Variants in DEFB108B observed in about 807,000 individuals in gnomAD.
DEFB108B encodes defensin beta 108B, also known as beta-defensin 108B.
Under a neutral mutation model 2.4 loss-of-function variants are expected in DEFB108B, and 3 were observed. The observed-to-expected ratio is 1.25, with a 90% CI of 0.57 to 3.24. DEFB108B has a LOEUF of 3.24. Ranked by LOEUF, DEFB108B falls within the 30% of genes most tolerant of loss-of-function variation. The probability of loss-of-function intolerance (pLI) is 0.03; values close to 1 mark genes in which losing one functional copy is unlikely to be tolerated. For synonymous variants in DEFB108B, 25 were observed against 28.7 expected (o/e 0.87, Z 0.41); for missense variants, 101 against 87.8 (o/e 1.15, Z -0.60).
intron 1 of DEFB108B, among the ~76,000 whole-genome samples, chr11:71,833,477 T>A (rs1283323217): frequency 6.6e-6 from 1 of 152,194 alleles, no homozygotes; most frequent in Non-Finnish European, 1.5e-5. Flanking sequence ...ACCCTCTTAT[T>A]CCATCTCCAA....
intron 1 of DEFB108B, among the ~76,000 whole-genome samples, chr11:71,836,382 T>C (rs1276345834): frequency 1.3e-5 from 2 of 152,242 alleles, no homozygotes; most frequent in Non-Finnish European, 2.9e-5. Context: ...TAGGCATTTA[T>C]TGAATGTTTA....
At chr11:71,833,786 C>T (rs1952196255) in intron 1 of DEFB108B, among the ~76,000 whole-genome samples, 1 of 152,204 alleles carries the variant, frequency 6.6e-6, no homozygotes, top group Admixed American at 6.5e-5. Context: ...CTGGCTTTCC[C>T]TCTTCCTTCT....
intron 1 of DEFB108B, among the ~76,000 whole-genome samples, chr11:71,835,896 A>AT (rs1186165149): frequency 4.6e-5 from 7 of 152,256 alleles, no homozygotes; most frequent in Non-Finnish European, 1.0e-4. Context: ...CCCTCAAGAA[A>AT]TTCATTATCA....
Position 71,835,768 on chromosome 11 carries a change from G to A in DEFB108B, c.59-1631G>A, listed in dbSNP as rs1952212519. On this transcript the variant is annotated intron_variant, in intron 1 of 1. Coordinates refer to ENST00000328698, the MANE Select transcript of DEFB108B (RefSeq NM_001002035.2). ...TTCTGCACAAACATATTGCAAGTTA[G>A]AAAACAGCTGTATTTTAATCAATTA... 2.0e-5 allele frequency among the ~76,000 whole-genome samples: 3 copies of A among 152,278 alleles called. No homozygotes were observed. The South Asian group carries it at 6.2e-4, about 32-fold the overall frequency.
At chr11:71,834,156 T>C (rs957955475) in intron 1 of DEFB108B, among the ~76,000 whole-genome samples, 5 of 152,254 alleles carry the variant, frequency 3.3e-5, no homozygotes, top group African/African-American at 1.2e-4. Flanking sequence ...TTTAATATCC[T>C]GGCTTTCCCT....
At chr11:71,835,428 T>C (rs1425678413) in intron 1 of DEFB108B, among the ~76,000 whole-genome samples, 1 of 152,244 alleles carries the variant, frequency 6.6e-6, no homozygotes, top group African/African-American at 2.4e-5. Context: ...TTGTTCTTTT[T>C]ATGGCTGCAT....
At position 71,837,392 on chromosome 11, in the gene DEFB108B, C is replaced by T. The variant is rs1261522887; in HGVS notation, c.59-7C>T. ...GAATGGTTACAATAACCCTCTTCTT[C>T]ATGTAGCCAGGGGCAAATTCAAGGA... is the stretch of plus-strand genomic sequence containing the variant. On this transcript the variant is annotated splice_polypyrimidine_tract_variant and splice_region_variant and intron_variant, in intron 1 of 1. Transcript: ENST00000328698. 1.2e-6 allele frequency: 2 copies of T among 1,611,614 alleles called. No individual in the cohort carries two copies. Among genetic ancestry groups the T allele is most frequent in the Non-Finnish European group, 1.7e-6 (2 of 1,179,556 alleles).
chr11:71,837,524 C>T lies in DEFB108B; in HGVS notation c.184C>T (p.Gln62Ter). 1 of 1,611,928 alleles carries T rather than the reference C, an allele frequency of 6.2e-7. No homozygotes were observed. Among genetic ancestry groups the T allele is most frequent in the South Asian group, 1.1e-5 (1 of 90,978 alleles). Residue 62 changes from glutamine to a stop codon, truncating the protein, a stop_gained, in exon 2 of 2, where the codon CAA becomes TAA. Coordinates refer to ENST00000328698, the MANE Select transcript of DEFB108B (RefSeq NM_001002035.2). LOFTEE classifies it low-confidence loss of function (END_TRUNC). The stretch of plus-strand genomic sequence containing the variant: ...ACCCTGCTGCCTGCCTCTGGGGCAT[C>T]AACCAAGAATTGAGAGCACTACACC... Reference protein sequence around the residue: ...SQPCCLPLGHQPRIESTTPKK... With the variant: ...SQPCCLPLGH
intron 1 of DEFB108B, among the ~76,000 whole-genome samples, chr11:71,833,752 C>G (rs1027110195): frequency 6.6e-6 from 1 of 152,168 alleles, no homozygotes; most frequent in Non-Finnish European, 1.5e-5. Flanking sequence ...CTTGACTTTT[C>G]CCCTTAAGGC....
rs143438086 is a variant in DEFB108B at position 71,834,240 on chromosome 11, C to T, written c.58+983C>T. On this transcript the variant is annotated intron_variant, in intron 1 of 1. Coordinates refer to ENST00000328698, the MANE Select transcript of DEFB108B (RefSeq NM_001002035.2). ...CCTAAAGCCTGAAAAAAGGTGATAC[C>T]ATATCCAATTATATTAACTCGGTAG... Among the ~76,000 whole-genome samples the T allele has an allele frequency of 7.7e-3, 1,177 of 152,174 alleles. 22 individuals carry two copies. The East Asian group carries it at 0.082, about 11-fold the overall frequency.
intron 1 of DEFB108B, among the ~76,000 whole-genome samples, chr11:71,835,490 A>G (rs1952210623): frequency 6.6e-6 from 1 of 152,214 alleles, no homozygotes; most frequent in Admixed American, 6.5e-5. Flanking sequence ...TCCACTGTTG[A>G]TGAACACCTA....
At chr11:71,833,782 T>C (rs1427971568) in intron 1 of DEFB108B, among the ~76,000 whole-genome samples, 1 of 152,212 alleles carries the variant, frequency 6.6e-6, no homozygotes, top group Non-Finnish European at 1.5e-5. Flanking sequence ...ATCCCTGGCT[T>C]TCCCTCTTCC....
intron 1 of DEFB108B, among the ~76,000 whole-genome samples, chr11:71,834,367 AT>A (rs1238708776): frequency 6.6e-6 from 1 of 152,192 alleles, no homozygotes; most frequent in Admixed American, 6.5e-5. Context: ...CATGGGTTTG[AT>A]TTTTTTAACC....
chr11:71,834,357 C>T (rs573982680), intron 1 of DEFB108B, among the ~76,000 whole-genome samples: 2 of 152,316 alleles, frequency 1.3e-5, no homozygotes, highest in East Asian at 1.9e-4. Flanking sequence ...TGGCTAAATA[C>T]ATGGGTTTGA....
Position 71,837,518 on chromosome 11 carries a change from G to A in DEFB108B, c.178G>A (p.Gly60Arg). The A allele has an allele frequency of 6.2e-7, 1 of 1,611,822 alleles. No individual in the cohort carries two copies. The change falls in exon 2 of 2, where the codon GGG (glycine) becomes AGG (arginine). Residue 60 changes from glycine to arginine, a missense_variant. By Grantham distance (125) the Gly-to-Arg change is moderately radical. Transcript: ENST00000328698. The stretch of plus-strand genomic sequence containing the variant: ...TAGCCAACCCTGCTGCCTGCCTCTG[G>A]GGCATCAACCAAGAATTGAGAGCAC... ...LNSQPCCLPL[G>R]HQPRIESTTP...
At chr11:71,835,004 A>T (rs1414810895) in intron 1 of DEFB108B, 2 of 152,266 alleles carry the variant, frequency 1.3e-5, no homozygotes, top group South Asian at 2.1e-4. Context: ...AAAGATTTTT[A>T]AAATCCCTAA....
chr11:71,836,922 A>G (rs186406931), intron 1 of DEFB108B: 2 of 148,806 alleles, frequency 1.3e-5, no homozygotes, highest in Non-Finnish European at 3.0e-5. Context: ...ATCTATTATA[A>G]TCTATCATAT....
intron 1 of DEFB108B, among the ~76,000 whole-genome samples, chr11:71,835,245 C>T (rs12274803): frequency 0.079 from 11,993 of 152,168 alleles, 873 homozygotes; most frequent in African/African-American, 0.19. Context: ...CCCTCTCCCT[C>T]CCCTCCTGGT....
chr11:71,835,000 T>C (rs987815227), intron 1 of DEFB108B: 5 of 152,192 alleles, frequency 3.3e-5, no homozygotes, highest in Non-Finnish European at 7.3e-5. Context: ...AACAAAAGAT[T>C]TTTAAAATCC....
Sources: allele counts gnomAD v4.1 joint callset (sites outside exome capture counted in the v4.1 genomes callset), GRCh38; gene constraint gnomAD v4.1.1; transcripts MANE v1.5; gene names NCBI Gene and HGNC (gene_info 2026-07-23, HGNC 2026-07-21).